Variants in MTUS2 observed in about 807,000 individuals in gnomAD.
MTUS2 encodes the protein microtubule associated scaffold protein 2.
MTUS2 carries 40 observed loss-of-function variants against 114.1 expected under a neutral mutation model. That is an observed-to-expected ratio of 0.35 (90% CI 0.27 to 0.46). The LOEUF is 0.46. Among genes scored for constraint, MTUS2 ranks in the 20% least tolerant of loss-of-function variants. The pLI is 1.00. For synonymous variants in MTUS2, 688 were observed against 672.0 expected, an observed-to-expected ratio of 1.02 and a Z score of -0.37; for missense variants, 1,679 against 1,705.4, an observed-to-expected ratio of 0.98 and a Z score of 0.27.
intron 2 of MTUS2, among the ~76,000 whole-genome samples, chr13:28,858,831 G>A (rs1876794318): frequency 6.6e-6 from 1 of 152,112 alleles, no homozygotes; most frequent in African/African-American, 2.4e-5. Context: ...GGGTGGGGAT[G>A]AAGTTCAGAT....
chr13:29,084,809 A>C (rs1298205556), intron 4 of MTUS2, among the ~76,000 whole-genome samples: 1 of 115,128 alleles, frequency 8.7e-6, no homozygotes, highest in Admixed American at 9.5e-5. Context: ...TGGCCTTCCA[A>C]AGTGCTGGGA....
intron 4 of MTUS2, among the ~76,000 whole-genome samples, chr13:29,068,668 G>A (rs1476526996): frequency 2.6e-5 from 4 of 152,184 alleles, no homozygotes; most frequent in South Asian, 2.1e-4. Context: ...ATCAGGTATA[G>A]TGTAGTACGA....
chr13:29,293,518 T>G (rs1227583855), intron 6 of MTUS2, among the ~76,000 whole-genome samples: 1 of 152,136 alleles, frequency 6.6e-6, no homozygotes, highest in East Asian at 1.9e-4. Context: ...TACACTCTTT[T>G]GAGAGCAATT....
chr13:29,048,869 G>C (rs920841032), intron 4 of MTUS2, among the ~76,000 whole-genome samples: 37 of 152,186 alleles, frequency 2.4e-4, no homozygotes, highest in African/African-American at 8.2e-4. Context: ...ACGTGCCTCA[G>C]CCTCCCAAAG....
At chr13:28,904,825 A>T (rs2137976852) in intron 2 of MTUS2, among the ~76,000 whole-genome samples, 1 of 152,132 alleles carries the variant, frequency 6.6e-6, no homozygotes, top group South Asian at 2.1e-4. Flanking sequence ...ATGGCATTGA[A>T]TCTATAAATT....
At chr13:29,279,211 G>T (rs1407463436) in intron 5 of MTUS2, among the ~76,000 whole-genome samples, 1 of 152,140 alleles carries the variant, frequency 6.6e-6, no homozygotes, top group Non-Finnish European at 1.5e-5. Context: ...GTAGGTAGAG[G>T]AGGTGGTATT....
chr13:29,417,642 T>A (rs1875763833), intron 8 of MTUS2, among the ~76,000 whole-genome samples: 1 of 152,172 alleles, frequency 6.6e-6, no homozygotes, highest in South Asian at 2.1e-4. Context: ...CTTTCATTGC[T>A]TTCCTAAATT....
In MTUS2 at chr13:29,391,685, GTAAA is replaced by G. The variant is rs1253073811; in HGVS notation, c.3117+32218_3117+32221del. ...TTAATTGTGGCAAAATATAAATATA[GTAAA>G]TAAATGATAAAATAAGTAAATAAAA... is the stretch of plus-strand genomic sequence containing the variant. On this transcript the variant is annotated intron_variant, in intron 8 of 15. Coordinates refer to ENST00000612955, the MANE Select transcript of MTUS2 (RefSeq NM_001033602.4). 7.3e-5 allele frequency among the ~76,000 whole-genome samples: 11 copies of G among 150,712 alleles called. No individual in the cohort carries two copies. In the East Asian group the frequency reaches 1.7e-3, roughly 24 times the overall value.
rs372742363 is a variant in MTUS2 at position 29,039,130 on chromosome 13, G to A, written c.2446+5005G>A. On this transcript the variant is annotated intron_variant, in intron 4 of 15. Transcript: ENST00000612955. ...CCCAGTGCTTCCCATTGACATAGAGGACTTTGTAGCGGTCCTTGACCTTGG... is the reference window on the plus strand; with the variant it reads ...CCCAGTGCTTCCCATTGACATAGAGAACTTTGTAGCGGTCCTTGACCTTGG... Among the ~76,000 whole-genome samples the A allele has an allele frequency of 2.2e-4, 33 of 152,322 alleles. No homozygotes were observed. The South Asian group carries it at 6.2e-3, about 29-fold the overall frequency.
chr13:29,469,403 T>G (rs528104789), intron 9 of MTUS2, among the ~76,000 whole-genome samples: 4 of 152,056 alleles, frequency 2.6e-5, no homozygotes, highest in African/African-American at 9.6e-5. Flanking sequence ...CCGAGGCTGG[T>G]GGATCACGAG....
chr13:29,407,795 A>T (rs1874892975), intron 8 of MTUS2, among the ~76,000 whole-genome samples: 1 of 152,068 alleles, frequency 6.6e-6, no homozygotes. Context: ...GTACTAATTT[A>T]TACTTCTACC....
intron 2 of MTUS2, among the ~76,000 whole-genome samples, chr13:28,995,205 A>G (rs937271068): frequency 2.8e-4 from 43 of 152,336 alleles, no homozygotes; most frequent in Admixed American, 2.1e-3. Context: ...AAGATCAGAT[A>G]GTTGCAGATA....
At chr13:29,309,372 C>G (rs1392110297) in intron 6 of MTUS2, among the ~76,000 whole-genome samples, 2 of 151,954 alleles carry the variant, frequency 1.3e-5, no homozygotes, top group African/African-American at 4.8e-5. Flanking sequence ...TAAGTAGGTG[C>G]TGAATAATGA....
chr13:29,431,306 T>C (rs1876972668), intron 8 of MTUS2, among the ~76,000 whole-genome samples: 1 of 152,230 alleles, frequency 6.6e-6, no homozygotes, highest in Admixed American at 6.5e-5. Flanking sequence ...TTCCAACTTA[T>C]AAAGACCTAT....
intron 2 of MTUS2, among the ~76,000 whole-genome samples, chr13:28,854,691 TC>T (rs1213023785): frequency 6.6e-6 from 1 of 152,196 alleles, no homozygotes; most frequent in African/African-American, 2.4e-5. Context: ...TACAAAGTAA[TC>T]CCTAGGTTGT....
intron 8 of MTUS2, among the ~76,000 whole-genome samples, chr13:29,384,201 T>C (rs939845685): frequency 7.9e-5 from 12 of 152,228 alleles, no homozygotes; most frequent in African/African-American, 2.9e-4. Context: ...TAGTCTTCTA[T>C]GGGAAGAAAC....
At chr13:29,312,983 G>T (rs1899835529) in intron 6 of MTUS2, among the ~76,000 whole-genome samples, 1 of 152,226 alleles carries the variant, frequency 6.6e-6, no homozygotes, top group Admixed American at 6.5e-5. Flanking sequence ...CATGGGGGAA[G>T]AATGTGATTA....
intron 8 of MTUS2, among the ~76,000 whole-genome samples, chr13:29,363,411 T>C (rs1870434546): frequency 6.6e-6 from 1 of 152,220 alleles, no homozygotes; most frequent in African/African-American, 2.4e-5. Flanking sequence ...TTAAATAGTT[T>C]AGGCATAAAA....
chr13:29,316,591 A>G (rs1431518362), intron 6 of MTUS2, among the ~76,000 whole-genome samples: 1 of 152,058 alleles, frequency 6.6e-6, no homozygotes, highest in Non-Finnish European at 1.5e-5. Context: ...TTGTGCTTCT[A>G]TGGGCAGGTG....
Sources: gnomAD v4.1 joint callset for allele counts (sites outside exome capture counted in the v4.1 genomes callset) on GRCh38, gnomAD v4.1.1 for gene constraint, MANE v1.5 for transcripts, NCBI Gene and HGNC (gene_info 2026-07-23, HGNC 2026-07-21) for gene names.